Variants in IMMP2L observed in about 807,000 individuals in gnomAD.
IMMP2L encodes the protein mitochondrial inner membrane protease subunit 2.
IMMP2L carries 18 observed loss-of-function variants against 19.3 expected under a neutral mutation model. The observed-to-expected ratio is 0.93, with a 90% CI of 0.64 to 1.38. The LOEUF (loss-of-function observed/expected upper bound fraction) is 1.38. IMMP2L is among the 40% of genes most tolerant of loss of function. The pLI is 0.00. For missense variants in IMMP2L, 233 were observed against 218.2 expected (o/e 1.07, Z -0.43); for synonymous variants, 76 against 73.0 (o/e 1.04, Z -0.21).
At chr7:111,443,782 T>C (rs1489335629) in intron 3 of IMMP2L, among the ~76,000 whole-genome samples, 1 of 152,162 alleles carries the variant, frequency 6.6e-6, no homozygotes, top group Non-Finnish European at 1.5e-5. Flanking sequence ...TCACTAAGTA[T>C]CTTTAAACTT....
At chr7:111,022,212 G>C (rs1585801400) in intron 3 of IMMP2L, among the ~76,000 whole-genome samples, 1 of 152,130 alleles carries the variant, frequency 6.6e-6, no homozygotes, top group East Asian at 1.9e-4. Context: ...GCCTAAGTAT[G>C]GGGGAGTCAT....
chr7:110,845,734 T>C (rs1805588770), intron 5 of IMMP2L, among the ~76,000 whole-genome samples: 1 of 152,126 alleles, frequency 6.6e-6, no homozygotes, highest in African/African-American at 2.4e-5. Flanking sequence ...ATTGCTATGG[T>C]CTAAGTGTTT....
chr7:110,843,115 AACG>A (rs2131463743), intron 5 of IMMP2L, among the ~76,000 whole-genome samples: 1 of 108,972 alleles, frequency 9.2e-6, no homozygotes, highest in South Asian at 2.7e-4. Flanking sequence ...GAGGAGTAAC[AACG>A]ACGACAAAAA....
At chr7:111,197,305 T>C (rs890957541) in intron 3 of IMMP2L, among the ~76,000 whole-genome samples, 2 of 151,862 alleles carry the variant, frequency 1.3e-5, no homozygotes, top group Admixed American at 1.3e-4. Context: ...CTACTAAAAA[T>C]ACAAAAAATT....
chr7:110,995,207 C>T (rs1015977859), intron 3 of IMMP2L, among the ~76,000 whole-genome samples: 3 of 151,968 alleles, frequency 2.0e-5, no homozygotes, highest in South Asian at 2.1e-4. Context: ...AAGAACCTTA[C>T]GGGCTCCGTT....
chr7:110,663,869 C>A, intron 5 of IMMP2L, 148 bp from the exon 6 acceptor site: 1 of 526,428 alleles, frequency 1.9e-6, no homozygotes. Context: ...CCTTTTGTAG[C>A]CATTGAAATA....
chr7:110,798,946 T>C (rs1584866605), intron 5 of IMMP2L, among the ~76,000 whole-genome samples: 1 of 152,038 alleles, frequency 6.6e-6, no homozygotes, highest in African/African-American at 2.4e-5. Context: ...GCTTTTCATG[T>C]GGTCCTTTGT....
chr7:111,557,488 C>T (rs1475629120), intron 1 of IMMP2L, among the ~76,000 whole-genome samples: 2 of 152,178 alleles, frequency 1.3e-5, no homozygotes, highest in African/African-American at 2.4e-5. Flanking sequence ...CACACAACTA[C>T]TCATGCTGTT....
chr7:111,318,284 T>C (rs991543582), intron 3 of IMMP2L, among the ~76,000 whole-genome samples: 5 of 152,116 alleles, frequency 3.3e-5, no homozygotes, highest in Admixed American at 1.3e-4. Flanking sequence ...GCCTGGTTAA[T>C]ACAGATGTGG....
At chr7:110,674,119 G>A (rs7793471) in intron 5 of IMMP2L, among the ~76,000 whole-genome samples, 17,266 of 152,176 alleles carry the variant, frequency 0.11, 1,236 homozygotes, top group South Asian at 0.27. Context: ...GGCTGGAGAG[G>A]CCTCAGGAAA....
rs949878518 is a variant in IMMP2L, at chr7:111,327,664, T to C, written c.239+159574A>G. ...TGAAAAGGAAAAATATTTTTAACTATTTTCAGAAATAAGTTAGAGGCTAGA... is the reference window on the plus strand; with the variant it reads ...TGAAAAGGAAAAATATTTTTAACTACTTTCAGAAATAAGTTAGAGGCTAGA... On this transcript the variant is annotated intron_variant, in intron 3 of 5. Transcript: ENST00000405709. Among the ~76,000 whole-genome samples the C allele has an allele frequency of 6.6e-5, 10 of 151,820 alleles. No homozygotes were observed. The East Asian group carries it at 1.4e-3, about 21-fold the overall frequency.
intron 3 of IMMP2L, among the ~76,000 whole-genome samples, chr7:110,974,539 G>A (rs1022184573): frequency 3.9e-5 from 6 of 152,196 alleles, no homozygotes; most frequent in South Asian, 2.1e-4. Context: ...ATTCAGTTTC[G>A]TTTTAAAATA....
chr7:111,369,408 A>C (rs1035232798), intron 3 of IMMP2L, among the ~76,000 whole-genome samples: 2 of 151,772 alleles, frequency 1.3e-5, no homozygotes, highest in Non-Finnish European at 2.9e-5. Flanking sequence ...ATTACTAAGG[A>C]ATATATTCAT....
chr7:111,049,459 A>G (rs193191744), intron 3 of IMMP2L, among the ~76,000 whole-genome samples: 160 of 152,236 alleles, frequency 1.1e-3, no homozygotes, highest in African/African-American at 3.5e-3. Flanking sequence ...AAAAAGTATT[A>G]AGGGATATTA....
intron 3 of IMMP2L, among the ~76,000 whole-genome samples, chr7:110,997,669 T>C (rs1823185916): frequency 6.6e-6 from 1 of 152,084 alleles, no homozygotes; most frequent in Admixed American, 6.6e-5. Context: ...TTTTCAGTGA[T>C]TTTTTTTCTG....
intron 5 of IMMP2L, among the ~76,000 whole-genome samples, chr7:110,852,586 A>T (rs530621440): frequency 1.5e-4 from 23 of 152,164 alleles, no homozygotes; most frequent in African/African-American, 5.5e-4. Flanking sequence ...AATGCAAGCA[A>T]ATCTGGGGAG....
intron 5 of IMMP2L, among the ~76,000 whole-genome samples, chr7:110,836,240 T>C (rs1804461456): frequency 6.6e-6 from 1 of 152,116 alleles, no homozygotes. Context: ...TTCCAGCTGG[T>C]TGTGTTCCAG....
chr7:111,183,054 TTAAC>T (rs1272453183), intron 3 of IMMP2L, among the ~76,000 whole-genome samples: 4 of 152,116 alleles, frequency 2.6e-5, no homozygotes, highest in South Asian at 2.1e-4. Flanking sequence ...TTAAGACATA[TTAAC>T]TATTTACAAA....
In IMMP2L at chr7:110,888,767, C is replaced by G. The variant is rs139155340; in HGVS notation, c.306-2072G>C. ...CAGTGCTTTATTTTTCTTTTCTGAG[C>G]CTGCTAACACTTGATATACATTTAT... On this transcript the variant is annotated intron_variant, in intron 4 of 5. Coordinates refer to ENST00000405709, the MANE Select transcript of IMMP2L (RefSeq NM_032549.4). Among the ~76,000 whole-genome samples, 1,466 of 152,156 alleles carry G rather than the reference C, an allele frequency of 9.6e-3. 28 individuals are homozygous for G. Among genetic ancestry groups the G allele is most frequent in the African/African-American group, 0.034 (1,405 of 41,520 alleles).
Sources: gnomAD v4.1 joint callset for allele counts (sites outside exome capture counted in the v4.1 genomes callset) on GRCh38, gnomAD v4.1.1 for gene constraint, MANE v1.5 for transcripts, NCBI Gene and HGNC (gene_info 2026-07-23, HGNC 2026-07-21) for gene names.